The following ABCD3 variants were observed in gnomAD, a reference collection of about 807,000 sequenced individuals.
ABCD3 encodes the protein ATP-binding cassette sub-family D member 3.
ABCD3 carries 41 observed loss-of-function variants against 105.5 expected under a neutral mutation model. The ratio of observed to expected loss-of-function variants is 0.39; its 90% CI spans 0.30 to 0.50. The LOEUF is 0.50. ABCD3 is among the 20% of genes least tolerant of loss of function. The pLI, the probability that ABCD3 is intolerant of heterozygous loss-of-function variation, is 0.84. For synonymous variants in ABCD3, 258 were observed against 269.0 expected (o/e 0.96, Z 0.40); for missense variants, 622 against 806.3 (o/e 0.77, Z 2.77).
chr1:94,509,757 T>C (rs974449959), intron 21 of ABCD3, among the ~76,000 whole-genome samples: 13 of 152,222 alleles, frequency 8.5e-5, no homozygotes, highest in African/African-American at 3.1e-4. Flanking sequence ...TTCTTCTAGA[T>C]TTTCTAGTTT....
chr1:94,477,925 TTTACA>T (rs1648842527), intron 7 of ABCD3, among the ~76,000 whole-genome samples: 1 of 152,208 alleles, frequency 6.6e-6, no homozygotes, highest in Non-Finnish European at 1.5e-5. Flanking sequence ...ATTCAGTGTC[TTTACA>T]TTATATTGAC....
intron 10 of ABCD3, among the ~76,000 whole-genome samples, chr1:94,486,210 A>G (rs1351499724): frequency 1.3e-5 from 2 of 152,186 alleles, no homozygotes; most frequent in African/African-American, 4.8e-5. Flanking sequence ...AATAAAGTGT[A>G]TGGGATGTCG....
At position 94,458,507 on chromosome 1, in the gene ABCD3, C is replaced by T. The variant is rs751127484; in HGVS notation, c.111-100C>T. 293 of 1,055,214 alleles carry T rather than the reference C, an allele frequency of 2.8e-4. 1 individual carries two copies. The highest frequency in any genetic ancestry group is 3.7e-4 in the Non-Finnish European group (252 of 683,190). 65.4% of individuals were successfully genotyped at this position (1,055,214 alleles called of 1,614,324 possible). Reference sequence around the variant, plus strand: ...TCACTATGATGTGAAAAAGAAGAAACGCTTTTAAATAATTTGGTATATTTG... The same window carrying T: ...TCACTATGATGTGAAAAAGAAGAAATGCTTTTAAATAATTTGGTATATTTG... On this transcript the variant is annotated intron_variant, in intron 1 of 22. Transcript: ENST00000370214.
intron 8 of ABCD3, chr1:94,478,734 C>G: frequency 1.1e-6 from 1 of 877,358 alleles, no homozygotes; most frequent in Non-Finnish European, 1.6e-6. Flanking sequence ...TATACTTGTA[C>G]TTATTGTTTC....
At chr1:94,417,195 G>A (rs1158541353), upstream of ABCD3, among the ~76,000 whole-genome samples, 1 of 152,186 alleles carries the variant, frequency 6.6e-6, no homozygotes, top group Non-Finnish European at 1.5e-5. Context: ...ATTAGTAGGA[G>A]CTTCAGTTCT....
At chr1:94,516,531 G>A (rs1412860233) in intron 22 of ABCD3, among the ~76,000 whole-genome samples, 1 of 151,838 alleles carries the variant, frequency 6.6e-6, no homozygotes, top group African/African-American at 2.4e-5. Flanking sequence ...TCTTTTGGAG[G>A]TATAGACAAG....
intron 1 of ABCD3, among the ~76,000 whole-genome samples, chr1:94,430,536 T>C (rs530080567): frequency 6.6e-6 from 1 of 152,276 alleles, no homozygotes; most frequent in Admixed American, 6.5e-5. Context: ...GATCTGATAC[T>C]TTTATAAAGA....
chr1:94,471,622 G>C (rs1366033538), intron 4 of ABCD3, among the ~76,000 whole-genome samples: 1 of 151,966 alleles, frequency 6.6e-6, no homozygotes, highest in African/African-American at 2.4e-5. Context: ...AGCCTCTGCT[G>C]TGTATGAAAT....
chr1:94,393,314 G>A, the ABCD3 span, among the ~76,000 whole-genome samples: 1 of 151,660 alleles, frequency 6.6e-6, no homozygotes, highest in African/African-American at 2.4e-5. Context: ...GGAAGAGAGA[G>A]GGAGAAGGAG....
intron 1 of ABCD3, among the ~76,000 whole-genome samples, chr1:94,427,657 G>A (rs1659518879): frequency 6.6e-6 from 1 of 152,056 alleles, no homozygotes; most frequent in East Asian, 1.9e-4. Flanking sequence ...AAAATTTTAC[G>A]GGAAATGGTA....
chr1:94,473,858 C>G, intron 5 of ABCD3, 23 bp downstream of exon 5: 1 of 1,582,624 alleles, frequency 6.3e-7, no homozygotes, highest in Admixed American at 1.7e-5. Context: ...CATTAAAAAT[C>G]TTTTTAACAC....
At chr1:94,501,265 GAAAAAAA>G (rs4148065) in intron 20 of ABCD3, among the ~76,000 whole-genome samples, 1 of 61,938 alleles carries the variant, frequency 1.6e-5, no homozygotes, top group Non-Finnish European at 3.6e-5. Flanking sequence ...TGTCTCAAAA[GAAAAAAA>G]AAAAAAAAAA....
At chr1:94,493,676 A>G (rs1312758736) in intron 16 of ABCD3, among the ~76,000 whole-genome samples, 1 of 152,112 alleles carries the variant, frequency 6.6e-6, no homozygotes, top group African/African-American at 2.4e-5. Context: ...CACAATAGCA[A>G]AGACTTGGAA....
chr1:94,411,241 G>T, the ABCD3 span, among the ~76,000 whole-genome samples: 1 of 152,092 alleles, frequency 6.6e-6, no homozygotes, highest in African/African-American at 2.4e-5. Context: ...TCTGATAAGG[G>T]TTTAGTATCC....
At chr1:94,391,961 G>A in the ABCD3 span, among the ~76,000 whole-genome samples, 2 of 152,134 alleles carry the variant, frequency 1.3e-5, no homozygotes, top group Non-Finnish European at 2.9e-5. Context: ...CACAGAAAAC[G>A]GTGGGGGAGG....
At chr1:94,473,379 TA>T (rs1234079965) in intron 4 of ABCD3, among the ~76,000 whole-genome samples, 4 of 152,268 alleles carry the variant, frequency 2.6e-5, no homozygotes, top group Admixed American at 1.3e-4. Flanking sequence ...ATCAGATTAT[TA>T]AAATATTTTA....
intron 21 of ABCD3, chr1:94,514,911 C>A: frequency 2.1e-6 from 1 of 481,228 alleles, no homozygotes; most frequent in South Asian, 2.8e-5. Flanking sequence ...ATGTTTTTTG[C>A]CCAAAAGAAA....
chr1:94,484,290 A>G (rs994074667), intron 10 of ABCD3, among the ~76,000 whole-genome samples: 23 of 152,234 alleles, frequency 1.5e-4, no homozygotes, highest in Non-Finnish European at 5.9e-5. Context: ...ATTACTGGGT[A>G]TATACCCAAA....
chr1:94,464,027 A>T (rs1427249245), intron 2 of ABCD3, among the ~76,000 whole-genome samples: 1 of 151,848 alleles, frequency 6.6e-6, no homozygotes, highest in African/African-American at 2.4e-5. Flanking sequence ...GCTTTTTTTT[A>T]TTTATGTCTA....
Sources: gnomAD v4.1 joint callset for allele counts (sites outside exome capture counted in the v4.1 genomes callset) on GRCh38, gnomAD v4.1.1 for gene constraint, MANE v1.5 for transcripts, NCBI Gene and HGNC (gene_info 2026-07-23, HGNC 2026-07-21) for gene names.